Variants in GAK observed in about 807,000 individuals in gnomAD.
The protein encoded by GAK is cyclin-G-associated kinase.
A neutral mutation model predicts 143.9 loss-of-function variants in GAK; 79 were observed. The observed-to-expected ratio is 0.55, with a 90% CI of 0.46 to 0.66. GAK has a LOEUF of 0.66. Among genes scored for constraint, GAK ranks in the 30% least tolerant of loss-of-function variants. GAK has a pLI of 0.00. For missense variants in GAK, 1,693 were observed against 1,779.7 expected, an observed-to-expected ratio of 0.95 and a Z score of 0.88; for synonymous variants, 881 against 765.5, an observed-to-expected ratio of 1.15 and a Z score of -2.49.
chr4:868,784 A>C (rs1577087663), intron 19 of GAK, 99 bp from the exon 20 acceptor site: 1 of 1,287,826 alleles, frequency 7.8e-7, no homozygotes, highest in Non-Finnish European at 1.1e-6. Flanking sequence ...GGGCGCCAGC[A>C]CCGTGGCAGG....
Position 849,755 on chromosome 4 carries a change from T to C in GAK, c.3854A>G (p.Glu1285Gly). ...CATGAAGATCATCTTGGCGTGCTGC[T>C]CGTACGGCTGCCCCGCAGCCTATGG... is the stretch of plus-strand genomic sequence containing the variant. ...HPDKAAGQPY[E>G]QHAKMIFMEL... The change falls in exon 28 of 28, where the codon GAG (glutamate) becomes GGG (glycine). Residue 1285 changes from glutamate (E) to glycine (G), a missense_variant. Coordinates refer to ENST00000314167, the MANE Select transcript of GAK (RefSeq NM_005255.4). 1 of 1,613,082 alleles carries C rather than the reference T, an allele frequency of 6.2e-7. No homozygotes were observed. The highest frequency in any genetic ancestry group is 8.5e-7 in the Non-Finnish European group (1 of 1,179,580).
intron 24 of GAK, among the ~76,000 whole-genome samples, chr4:856,681 C>G (rs12509464): frequency 1.3e-4 from 19 of 151,920 alleles, no homozygotes; most frequent in Admixed American, 4.6e-4. Flanking sequence ...CTGCTCACAC[C>G]TGCTCACCAC....
intron 5 of GAK, among the ~76,000 whole-genome samples, chr4:899,164 C>A (rs1008643318): frequency 1.3e-5 from 2 of 152,236 alleles, no homozygotes; most frequent in Middle Eastern, 3.4e-3. Flanking sequence ...GAAAGCCTCG[C>A]CCCCAGCTCA....
chr4:918,774 T>C (rs886204905), intron 1 of GAK, among the ~76,000 whole-genome samples: 38 of 151,890 alleles, frequency 2.5e-4, no homozygotes, highest in Non-Finnish European at 4.6e-4. Flanking sequence ...CCCATGACCT[T>C]AGAAAGGCAG....
At chr4:922,881 C>A (rs1724127432) in intron 1 of GAK, among the ~76,000 whole-genome samples, 1 of 152,200 alleles carries the variant, frequency 6.6e-6, no homozygotes, top group Non-Finnish European at 1.5e-5. Context: ...TCTGTAGTAG[C>A]CAAAACAGGA....
intron 7 of GAK, among the ~76,000 whole-genome samples, chr4:895,699 C>T (rs1006838328): frequency 4.6e-5 from 7 of 152,236 alleles, no homozygotes; most frequent in Non-Finnish European, 7.3e-5. Flanking sequence ...ACACCCTCCA[C>T]GCGTGGTCAC....
intron 5 of GAK, among the ~76,000 whole-genome samples, chr4:899,426 C>T (rs971499434): frequency 6.6e-6 from 1 of 152,164 alleles, no homozygotes; most frequent in Admixed American, 6.5e-5. Flanking sequence ...TACGGGCTCC[C>T]ACAGGCAGCA....
At chr4:850,599 C>G in intron 26 of GAK, 1 of 214,068 alleles carries the variant, frequency 4.7e-6, no homozygotes, top group South Asian at 1.1e-4. Context: ...CTGCCCTCAA[C>G]AGTCTCTGCA....
chr4:863,132 G>C (rs1267787673), intron 23 of GAK, among the ~76,000 whole-genome samples: 1 of 152,220 alleles, frequency 6.6e-6, no homozygotes, highest in African/African-American at 2.4e-5. Flanking sequence ...CAAGAGTTTG[G>C]GAGAAGCTGA....
rs560966366 is a variant in GAK, at chr4:876,449, C to T, written c.2054+81G>A. The T allele has an allele frequency of 8.1e-6, 10 of 1,242,004 alleles. No homozygotes were observed. In the Admixed American group the frequency reaches 1.2e-4, roughly 15 times the overall value. 76.9% of individuals were successfully genotyped at this position (1,242,004 alleles called of 1,614,324 possible). On this transcript the variant is annotated intron_variant, in intron 18 of 27. Transcript: ENST00000314167. The stretch of plus-strand genomic sequence containing the variant: ...ACACAGCCCGCCACTCCCCCTGGGG[C>T]TCCCACGACCGGCCCACATGCAGGT...
In GAK at chr4:887,240, G is replaced by GCACGCGGC. The variant is rs1716587762; in HGVS notation, c.1205+1606_1205+1607insGCCGCGTG. 8 of 96,558 alleles carry GCACGCGGC rather than the reference G, an allele frequency of 8.3e-5. No homozygotes were observed. In the South Asian group the frequency reaches 1.8e-3, roughly 22 times the overall value. 6.0% of individuals were successfully genotyped at this position (96,558 alleles called of 1,614,324 possible). A position where few individuals can be genotyped will look rare whatever the true frequency, so the allele number is the denominator to read the frequency against. On this transcript the variant is annotated intron_variant, in intron 11 of 27. Coordinates refer to ENST00000314167, the MANE Select transcript of GAK (RefSeq NM_005255.4). ...ATGCACGCGGCTCACGCGCACTCAC[G>GCACGCGGC]TGTACACATGCACGCGGCTCACGCG...
intron 9 of GAK, among the ~76,000 whole-genome samples, chr4:891,356 G>C (rs1035479051): frequency 6.6e-6 from 1 of 150,844 alleles, no homozygotes; most frequent in Non-Finnish European, 1.5e-5. Context: ...CCTCCACCTC[G>C]CATGCCCAAC....
At position 867,026 on chromosome 4, in the gene GAK, C is replaced by T. The variant is rs752760322; in HGVS notation, c.2802G>A (p.Pro934=). ...GPPEDLLSED[P]LLLASPAPPL... ...GAGGGGCCGGGCTTGCCAGGAGCAGCGGGTCCTCGCTGAGCAGATCCTCCG... is the reference window on the plus strand; with the variant it reads ...GAGGGGCCGGGCTTGCCAGGAGCAGTGGGTCCTCGCTGAGCAGATCCTCCG... The change falls in exon 21 of 28, where the codon CCG becomes CCA. Residue 934 remains proline (P), a synonymous_variant. Coordinates refer to ENST00000314167, the MANE Select transcript of GAK (RefSeq NM_005255.4). 8.0e-6 allele frequency: 12 copies of T among 1,501,560 alleles called. No homozygotes were observed. The highest frequency in any genetic ancestry group is 4.7e-5 in the East Asian group (2 of 42,976). The allele number at this position is 1,501,560 out of a possible 1,614,324, so 93.0% of individuals were successfully genotyped here.
At chr4:859,534 G>A (rs1178689917) in intron 24 of GAK, 72 bp downstream of exon 24, 1 of 1,592,440 alleles carries the variant, frequency 6.3e-7, no homozygotes, top group Non-Finnish European at 8.6e-7. Flanking sequence ...GGGCAGCTCA[G>A]AGTCAGATAG....
chr4:894,956 GCAACAAA>G (rs1718476614), intron 7 of GAK: 1 of 151,836 alleles, frequency 6.6e-6, no homozygotes, highest in East Asian at 1.9e-4. Context: ...CTCCAGCCTA[GCAACAAA>G]GCGAGACTCT....
rs1372273640 is a variant in GAK, at chr4:893,270, G to A, written c.990+107C>T. The A allele has an allele frequency of 9.3e-6, 7 of 751,398 alleles. No individual in the cohort carries two copies. In the Admixed American group the frequency reaches 2.4e-4, roughly 26 times the overall value. 46.5% of individuals were successfully genotyped at this position (751,398 alleles called of 1,614,324 possible). On this transcript the variant is annotated intron_variant, in intron 9 of 27. Coordinates refer to ENST00000314167, the MANE Select transcript of GAK (RefSeq NM_005255.4). ...GTGTGCCTCCCTCCCTTCTGCAGGG[G>A]ATCTGGGGCTCACATGTGCCTCCCT...
At chr4:894,823 A>C (rs1718449426) in intron 7 of GAK, 2 of 152,174 alleles carry the variant, frequency 1.3e-5, no homozygotes, top group Admixed American at 1.3e-4. Context: ...TCTACTAAAA[A>C]TACAAAAATT....
chr4:897,450 G>GT (rs770164888), intron 6 of GAK, among the ~76,000 whole-genome samples: 8 of 152,206 alleles, frequency 5.3e-5, no homozygotes, highest in Non-Finnish European at 7.3e-5. Context: ...GAGAGCGCAA[G>GT]TTAACTCCTC....
chr4:929,345 G>T (rs187171908), intron 1 of GAK, among the ~76,000 whole-genome samples: 1 of 152,166 alleles, frequency 6.6e-6, no homozygotes, highest in Non-Finnish European at 1.5e-5. Flanking sequence ...ACGGCTGTGC[G>T]GCATCGTTTT....
Sources: gnomAD v4.1 joint callset for allele counts (sites outside exome capture counted in the v4.1 genomes callset) on GRCh38, gnomAD v4.1.1 for gene constraint, MANE v1.5 for transcripts, NCBI Gene and HGNC (gene_info 2026-07-23, HGNC 2026-07-21) for gene names.